The following EHD1 variants were observed in gnomAD, a reference collection of about 807,000 sequenced individuals.
The protein encoded by EHD1 is EH domain-containing protein 1.
EHD1 carries 19 observed loss-of-function variants against 39.0 expected under a neutral mutation model. That is an observed-to-expected ratio of 0.49 (90% CI 0.34 to 0.72). The LOEUF is 0.72. Ranked by LOEUF, EHD1 falls within the 30% of genes least tolerant of loss-of-function variation. The pLI is 0.01. For missense variants in EHD1, 542 were observed against 751.5 expected (o/e 0.72, Z 3.26); for synonymous variants, 323 against 331.2 (o/e 0.98, Z 0.27).
chr11:64,857,843 G>A (rs1296138078), intron 3 of EHD1, among the ~76,000 whole-genome samples: 2 of 152,150 alleles, frequency 1.3e-5, no homozygotes, highest in Non-Finnish European at 2.9e-5. Context: ...ATCTGTCACT[G>A]AAGCCTTCAT....
intron 2 of EHD1, 45 bp from the exon 3 acceptor site, chr11:64,860,381 C>A: frequency 1.3e-6 from 2 of 1,573,738 alleles, no homozygotes. Flanking sequence ...AAGGGACCTG[C>A]TGCTCTGATG....
intron 2 of EHD1, among the ~76,000 whole-genome samples, chr11:64,862,344 T>C (rs1943724771): frequency 6.6e-6 from 1 of 152,208 alleles, no homozygotes; most frequent in Non-Finnish European, 1.5e-5. Flanking sequence ...GATATAACTA[T>C]CCAGTTTCAG....
chr11:64,873,730 G>A (rs1943854537), intron 2 of EHD1, among the ~76,000 whole-genome samples: 1 of 151,366 alleles, frequency 6.6e-6, no homozygotes, highest in Admixed American at 6.6e-5. Context: ...AGCCTGCAGT[G>A]CAGTGGCGCG....
In EHD1 at chr11:64,854,683, T is replaced by A; in HGVS notation, c.1255A>T (p.Asn419Tyr). The change falls in exon 5 of 5, where the codon AAC becomes TAC. Residue 419 changes from asparagine (N) to tyrosine (Y), a missense_variant. Asn to Tyr is a moderately radical substitution (Grantham distance 143). Transcript: ENST00000320631. ...CCGTAGCCGTGCCCGAACGGCCCGT[T>A]CATGGTGCCGTCAAAGGCGCCGCCC... ...VKGGAFDGTMNGPFGHGYGEG... is the reference protein window; with the variant it reads ...VKGGAFDGTMYGPFGHGYGEG... 1.2e-6 allele frequency: 2 copies of A among 1,613,746 alleles called. No homozygotes were observed. Among genetic ancestry groups the A allele is most frequent in the Non-Finnish European group, 1.7e-6 (2 of 1,179,964 alleles).
chr11:64,871,782 G>A (rs1943833531), intron 2 of EHD1, among the ~76,000 whole-genome samples: 1 of 152,142 alleles, frequency 6.6e-6, no homozygotes, highest in Admixed American at 6.5e-5. Flanking sequence ...CTGGAGGGGA[G>A]AGGGAGGCCA....
Position 64,878,577 on chromosome 11 carries a change from T to C in EHD1, c.-113A>G, listed in dbSNP as rs1375676085. 1 of 1,445,558 alleles carries C rather than the reference T, an allele frequency of 6.9e-7. No homozygotes were observed. The highest frequency in any genetic ancestry group is 1.4e-5 in the African/African-American group (1 of 70,076). The allele number at this position is 1,445,558 out of a possible 1,614,324, so 89.5% of individuals were successfully genotyped here. On this transcript the variant is annotated 5_prime_UTR_variant, in exon 1 of 5. Transcript: ENST00000320631. The stretch of plus-strand genomic sequence containing the variant: ...GCAGGGAATCGGGAGCGACCCACAC[T>C]GCGCAGGCGCACAGCCCAGCCCGTC...
chr11:64,861,629 G>C (rs974962121), intron 2 of EHD1, among the ~76,000 whole-genome samples: 3 of 151,986 alleles, frequency 2.0e-5, no homozygotes, highest in Non-Finnish European at 4.4e-5. Context: ...TATAAATAAA[G>C]TTTTATTGAA....
intron 2 of EHD1, among the ~76,000 whole-genome samples, chr11:64,865,862 T>A (rs1275547291): frequency 6.6e-6 from 1 of 152,164 alleles, no homozygotes; most frequent in African/African-American, 2.4e-5. Context: ...AAATAACAGA[T>A]GCTGGTGAGG....
Position 64,854,297 on chromosome 11 carries a change from C to A in EHD1, c.*36G>T, listed in dbSNP as rs116092297. 1,469 of 1,561,670 alleles carry A rather than the reference C, an allele frequency of 9.4e-4. 14 individuals are homozygous for A. The African/African-American group carries it at 0.018, about 19-fold the overall frequency. Reference sequence around the variant, plus strand: ...CCTCCCCCCGTCTCTGCCTCCCGGCCGGGCGTGCAAATGGCAGGTGCGGGG... The same window carrying A: ...CCTCCCCCCGTCTCTGCCTCCCGGCAGGGCGTGCAAATGGCAGGTGCGGGG... On this transcript the variant is annotated 3_prime_UTR_variant, in exon 5 of 5. Transcript: ENST00000320631.
chr11:64,858,171 G>A (rs1365084358), intron 3 of EHD1, among the ~76,000 whole-genome samples: 2 of 144,214 alleles, frequency 1.4e-5, no homozygotes, highest in African/African-American at 5.1e-5. Context: ...ACCATGCCTG[G>A]CCAGAGCCTA....
chr11:64,862,889 G>T lies in EHD1; in HGVS notation c.503-2553C>A, dbSNP rs146406452. Among the ~76,000 whole-genome samples the T allele has an allele frequency of 3.3e-5, 5 of 152,270 alleles. No individual in the cohort carries two copies. The East Asian group carries it at 9.6e-4, about 29-fold the overall frequency. On this transcript the variant is annotated intron_variant, in intron 2 of 4. Coordinates refer to ENST00000320631, the MANE Select transcript of EHD1 (RefSeq NM_006795.4). ...ACCCTGTCTCAAAAACAAAACAAAA[G>T]AAATCCTCACCTCTTCCTCTGCCCC... is the stretch of plus-strand genomic sequence containing the variant.
chr11:64,854,064 C>G lies in EHD1; in HGVS notation c.*269G>C. ...AGAGGCCGTGCACACAGGGCTGGCA[C>G]ACAGGGGAGGCGGCGACAAAGAACG... On this transcript the variant is annotated 3_prime_UTR_variant, in exon 5 of 5. Transcript: ENST00000320631. 1 of 576,480 alleles carries G rather than the reference C, an allele frequency of 1.7e-6. No homozygotes were observed. Among genetic ancestry groups the G allele is most frequent in the East Asian group, 3.3e-5 (1 of 30,240 alleles). 35.7% of individuals were successfully genotyped at this position (576,480 alleles called of 1,614,324 possible). A position where few individuals can be genotyped will look rare whatever the true frequency, so the allele number is the denominator to read the frequency against.
Position 64,854,528 on chromosome 11 carries a change from C to A in EHD1, c.1410G>T (p.Glu470Asp). 6.2e-7 allele frequency: 1 copy of A among 1,614,204 alleles called. No homozygotes were observed. Among genetic ancestry groups the A allele is most frequent in the Non-Finnish European group, 8.5e-7 (1 of 1,180,010 alleles). The change falls in exon 5 of 5, where the codon GAG (glutamate) becomes GAT (aspartate). Residue 470 changes from glutamate (E) to aspartate (D), a missense_variant. Glu to Asp is a conservative substitution (Grantham distance 45, BLOSUM62 2). Coordinates refer to ENST00000320631, the MANE Select transcript of EHD1 (RefSeq NM_006795.4). ...TGTTGGGGAGCTTGGACTTCACCATCTCCTTCTTGGCGTTGGCGCCCGTGA... is the reference window on the plus strand; with the variant it reads ...TGTTGGGGAGCTTGGACTTCACCATATCCTTCTTGGCGTTGGCGCCCGTGA... ...GKITGANAKK[E>D]MVKSKLPNTV...
intron 3 of EHD1, 149 bp from the exon 4 acceptor site, chr11:64,855,635 C>G (rs1364648509): frequency 9.1e-7 from 1 of 1,096,096 alleles, no homozygotes; most frequent in Non-Finnish European, 1.3e-6. Context: ...CCGCTACCAC[C>G]ACCGGCTCCC....
chr11:64,854,226 A>G lies in EHD1; in HGVS notation c.*107T>C, dbSNP rs1460056445. The G allele has an allele frequency of 6.9e-7, 1 of 1,439,402 alleles. No homozygotes were observed. The highest frequency in any genetic ancestry group is 2.5e-5 in the East Asian group (1 of 40,150). 89.2% of individuals were successfully genotyped at this position (1,439,402 alleles called of 1,614,324 possible). A position where few individuals can be genotyped will look rare whatever the true frequency, so the allele number is the denominator to read the frequency against. ...GGTTTTCCTTTTCGAGAGGCGAGGA[A>G]ACATCCGCTCAGTCTTTATGGACCT... is the stretch of plus-strand genomic sequence containing the variant. On this transcript the variant is annotated 3_prime_UTR_variant, in exon 5 of 5. Coordinates refer to ENST00000320631, the MANE Select transcript of EHD1 (RefSeq NM_006795.4).
At chr11:64,879,642 C>T, upstream of EHD1, 2 of 1,550,996 alleles carry the variant, frequency 1.3e-6, no homozygotes, top group Non-Finnish European at 1.7e-6. Context: ...GGGCTCACTC[C>T]CCCGCCATCC....
At chr11:64,863,694 G>A (rs1474571311) in intron 2 of EHD1, among the ~76,000 whole-genome samples, 2 of 152,234 alleles carry the variant, frequency 1.3e-5, no homozygotes, top group Admixed American at 1.3e-4. Flanking sequence ...AAGCCACAGG[G>A]GCGCGGAGCC....
upstream of EHD1, chr11:64,879,257 C>T (rs1592757934): frequency 2.8e-6 from 3 of 1,071,504 alleles, no homozygotes; most frequent in Non-Finnish European, 1.2e-6. Context: ...AAATGGGCAG[C>T]GAGAGGCCTG....
chr11:64,855,175 T>TG, intron 4 of EHD1, 147 bp downstream of exon 4: 1 of 1,253,500 alleles, frequency 8.0e-7, no homozygotes, highest in Non-Finnish European at 1.1e-6. Flanking sequence ...AACTCTGAGT[T>TG]GGGTGGGGTG....
Sources: allele counts gnomAD v4.1 joint callset (sites outside exome capture counted in the v4.1 genomes callset), GRCh38; gene constraint gnomAD v4.1.1; transcripts MANE v1.5; gene names NCBI Gene and HGNC (gene_info 2026-07-23, HGNC 2026-07-21).